The following VPS13D variants were observed in gnomAD, a reference collection of about 807,000 sequenced individuals.
VPS13D encodes intermembrane lipid transfer protein VPS13D.
VPS13D carries 187 observed loss-of-function variants against 461.9 expected under a neutral mutation model. The ratio of observed to expected loss-of-function variants is 0.40; its 90% CI spans 0.36 to 0.46. The LOEUF (loss-of-function observed/expected upper bound fraction) is 0.46. Ranked by LOEUF, VPS13D falls within the 20% of genes least tolerant of loss-of-function variation. VPS13D has a pLI of 0.60. For synonymous variants in VPS13D, 1,951 were observed against 1,986.3 expected (o/e 0.98, Z 0.47); for missense variants, 4,711 against 5,364.9 (o/e 0.88, Z 3.81).
intron 68 of VPS13D, among the ~76,000 whole-genome samples, chr1:12,503,440 T>A (rs983185004): frequency 2.6e-5 from 4 of 152,054 alleles, no homozygotes; most frequent in Non-Finnish European, 4.4e-5. Flanking sequence ...CACCTCAGCT[T>A]CCCAAAGTGC....
intron 38 of VPS13D, among the ~76,000 whole-genome samples, chr1:12,334,872 C>T (rs1643411743): frequency 6.6e-6 from 1 of 152,152 alleles, no homozygotes; most frequent in Non-Finnish European, 1.5e-5. Flanking sequence ...TATACTGAAA[C>T]CCAGAAACGT....
At chr1:12,367,279 T>G (rs1334925035) in intron 52 of VPS13D, among the ~76,000 whole-genome samples, 1 of 152,232 alleles carries the variant, frequency 6.6e-6, no homozygotes, top group Non-Finnish European at 1.5e-5. Flanking sequence ...ATAGCTATAC[T>G]TTCTATGTGA....
At chr1:12,379,855 G>A (rs982725382) in intron 57 of VPS13D, among the ~76,000 whole-genome samples, 3 of 151,038 alleles carry the variant, frequency 2.0e-5, no homozygotes, top group South Asian at 2.1e-4. Flanking sequence ...TGCAAGCTCC[G>A]CCTCCCGGGT....
chr1:12,397,238 A>G (rs1294627468), intron 60 of VPS13D, among the ~76,000 whole-genome samples: 2 of 152,340 alleles, frequency 1.3e-5, no homozygotes, highest in Admixed American at 6.5e-5. Flanking sequence ...CTGGCCAAAA[A>G]GTTGTTTTTT....
intron 63 of VPS13D, among the ~76,000 whole-genome samples, chr1:12,412,420 C>G (rs1436046410): frequency 6.6e-6 from 1 of 152,188 alleles, no homozygotes; most frequent in African/African-American, 2.4e-5. Context: ...TATTACAAGA[C>G]TACAGTAATT....
At chr1:12,332,534 G>C (rs1191664936) in intron 37 of VPS13D, among the ~76,000 whole-genome samples, 2 of 152,158 alleles carry the variant, frequency 1.3e-5, no homozygotes, top group African/African-American at 4.8e-5. Flanking sequence ...ATGTTCTTAA[G>C]AAAGGTATAT....
At chr1:12,263,753 A>G (rs766895355) in intron 13 of VPS13D, among the ~76,000 whole-genome samples, 1 of 152,250 alleles carries the variant, frequency 6.6e-6, no homozygotes, top group African/African-American at 2.4e-5. Context: ...TTGAGCTGTC[A>G]TAAACTTAGT....
At position 12,361,426 on chromosome 1, in the gene VPS13D, C is replaced by G. The variant is rs369439120; in HGVS notation, c.10142-1294C>G. Among the ~76,000 whole-genome samples, 39 of 143,354 alleles carry G rather than the reference C, an allele frequency of 2.7e-4. 3 individuals carry two copies. Among genetic ancestry groups the G allele is most frequent in the Admixed American group, 2.2e-3 (31 of 14,198 alleles). The allele number at this position is 143,354 out of a possible 152,430, so 94.0% of individuals were successfully genotyped here. A position where few individuals can be genotyped will look rare whatever the true frequency, so the allele number is the denominator to read the frequency against. ...TTATTTTTTTTTTGAGACGGAGTCT[C>G]GCTCTGTCGCCCAGGCTGGAGTGCA... On this transcript the variant is annotated intron_variant, in intron 50 of 69. Transcript: ENST00000620676.
At chr1:12,458,720 C>A (rs1472706750) in intron 66 of VPS13D, among the ~76,000 whole-genome samples, 1 of 152,204 alleles carries the variant, frequency 6.6e-6, no homozygotes, top group Admixed American at 6.5e-5. Context: ...TAGAGAGCTT[C>A]CTCACACCCC....
intron 67 of VPS13D, among the ~76,000 whole-genome samples, chr1:12,491,121 C>G (rs1645875026): frequency 6.6e-6 from 1 of 152,152 alleles, no homozygotes; most frequent in Non-Finnish European, 1.5e-5. Flanking sequence ...TGTGCACACT[C>G]GAGCACAGTA....
In VPS13D at chr1:12,431,898, G is replaced by A. The variant is rs1644996745; in HGVS notation, c.12333+15071G>A. Among the ~76,000 whole-genome samples, 3 of 152,196 alleles carry A rather than the reference G, an allele frequency of 2.0e-5. No individual in the cohort carries two copies. The South Asian group carries it at 6.2e-4, about 32-fold the overall frequency. ...GCCCCCATGAAAAGAAAGAAATAGG[G>A]AATCCCTTTATAATTAGATTTAGTG... On this transcript the variant is annotated intron_variant, in intron 65 of 69. Transcript: ENST00000620676.
intron 65 of VPS13D, among the ~76,000 whole-genome samples, chr1:12,423,766 A>G (rs747441194): frequency 6.6e-6 from 1 of 152,194 alleles, no homozygotes; most frequent in Non-Finnish European, 1.5e-5. Context: ...CTTCTATCAT[A>G]TATACTATGA....
chr1:12,354,326 A>G (rs745928691), intron 47 of VPS13D, 105 bp downstream of exon 47: 23 of 1,371,710 alleles, frequency 1.7e-5, no homozygotes, highest in East Asian at 2.4e-5. Flanking sequence ...TGGGGCACAT[A>G]TAATATCTCA....
At position 12,369,687 on chromosome 1, in the gene VPS13D, C is replaced by T; in HGVS notation, c.10793C>T (p.Thr3598Ile). ...GAAAATTTCATTTACATTGCTGCTA[C>T]ATATACATTCTCTGGGTAATTCTTG... is the stretch of plus-strand genomic sequence containing the variant. Reference protein sequence around the residue: ...YYENFIYIAATYTFSGLQEGT... With the variant: ...YYENFIYIAAIYTFSGLQEGT... Residue 3598 changes from threonine to isoleucine, a missense_variant, in exon 54 of 70, where the codon ACA becomes ATA. By Grantham distance (89) the Thr-to-Ile change is moderately conservative. Coordinates refer to ENST00000620676, the MANE Select transcript of VPS13D (RefSeq NM_015378.4). The T allele has an allele frequency of 6.2e-7, 1 of 1,613,836 alleles. No homozygotes were observed. Among genetic ancestry groups the T allele is most frequent in the Non-Finnish European group, 8.5e-7 (1 of 1,179,758 alleles).
chr1:12,258,561 G>A (rs34883509), intron 10 of VPS13D, among the ~76,000 whole-genome samples: 1 of 152,212 alleles, frequency 6.6e-6, no homozygotes, highest in Non-Finnish European at 1.5e-5. Flanking sequence ...ACGTGGTGAA[G>A]GCAAGCTCAT....
intron 6 of VPS13D, among the ~76,000 whole-genome samples, chr1:12,249,775 T>G (rs1640674807): frequency 6.6e-6 from 1 of 152,150 alleles, no homozygotes; most frequent in Non-Finnish European, 1.5e-5. Flanking sequence ...CACACTCTGT[T>G]TCTTCACACT....
Position 12,470,486 on chromosome 1 carries a change from C to T in VPS13D, c.12662+10090C>T, listed in dbSNP as rs527337104. 7.2e-5 allele frequency among the ~76,000 whole-genome samples: 11 copies of T among 152,224 alleles called. No individual in the cohort carries two copies. The South Asian group carries it at 2.3e-3, about 32-fold the overall frequency. On this transcript the variant is annotated intron_variant, in intron 67 of 69. Coordinates refer to ENST00000620676, the MANE Select transcript of VPS13D (RefSeq NM_015378.4). The stretch of plus-strand genomic sequence containing the variant: ...CTATTTTTGTTTGAACTATCGAGGG[C>T]CCAGTTAATTCAGTTGAGCCAATTC...
chr1:12,378,670 G>C, intron 56 of VPS13D, 79 bp downstream of exon 56: 1 of 1,362,886 alleles, frequency 7.3e-7, no homozygotes, highest in Non-Finnish European at 9.7e-7. Context: ...CAAAAACTAA[G>C]AGTTCTATAA....
intron 65 of VPS13D, among the ~76,000 whole-genome samples, chr1:12,446,676 C>T (rs955287958): frequency 1.1e-4 from 16 of 152,114 alleles, no homozygotes; most frequent in Non-Finnish European, 1.9e-4. Context: ...TTTGCTTGAC[C>T]AGACCAGCTC....
Sources: gnomAD v4.1 joint callset for allele counts (sites outside exome capture counted in the v4.1 genomes callset) on GRCh38, gnomAD v4.1.1 for gene constraint, MANE v1.5 for transcripts, NCBI Gene and HGNC (gene_info 2026-07-23, HGNC 2026-07-21) for gene names.